The following ELAPOR2 variants were observed in gnomAD, a reference collection of about 807,000 sequenced individuals.
ELAPOR2 encodes the protein endosome-lysosome associated apoptosis and autophagy regulator family member 2.
A neutral mutation model predicts 120.7 loss-of-function variants in ELAPOR2; 89 were observed. The observed-to-expected ratio is 0.74, with a 90% confidence interval of 0.62 to 0.88. ELAPOR2 has a LOEUF of 0.88. ELAPOR2 is among the 40% of genes least tolerant of loss of function. The pLI, the probability that ELAPOR2 is intolerant of heterozygous loss-of-function variation, is 0.00. For synonymous variants in ELAPOR2, 444 were observed against 444.9 expected (o/e 1.00, Z 0.03); for missense variants, 1,134 against 1,251.6 (o/e 0.91, Z 1.42).
At chr7:86,986,929 T>A (rs990198147) in intron 1 of ELAPOR2, among the ~76,000 whole-genome samples, 5 of 150,782 alleles carry the variant, frequency 3.3e-5, no homozygotes, top group Non-Finnish European at 7.4e-5. Flanking sequence ...GGCATCATGC[T>A]ACCTGACTTC....
chr7:86,973,018 C>T (rs1477331523), intron 1 of ELAPOR2, among the ~76,000 whole-genome samples: 3 of 152,126 alleles, frequency 2.0e-5, no homozygotes, highest in Non-Finnish European at 2.9e-5. Context: ...ACATAGTAGG[C>T]AAGGGTCATC....
At chr7:86,935,704 C>T (rs1172865348) in intron 8 of ELAPOR2, among the ~76,000 whole-genome samples, 1 of 151,838 alleles carries the variant, frequency 6.6e-6, no homozygotes, top group African/African-American at 2.4e-5. Context: ...GTTTGACAGC[C>T]ACTGCTCTAC....
chr7:87,025,673 T>C (rs1227837207), intron 1 of ELAPOR2, among the ~76,000 whole-genome samples: 1 of 152,158 alleles, frequency 6.6e-6, no homozygotes, highest in South Asian at 2.1e-4. Flanking sequence ...AATTAGATTA[T>C]GCTTTTCAAG....
intron 1 of ELAPOR2, among the ~76,000 whole-genome samples, chr7:86,993,251 G>GAAAAA (rs1793012385): frequency 6.4e-5 from 6 of 94,158 alleles, no homozygotes; most frequent in African/African-American, 1.5e-4. Context: ...AAAAAAAAAA[G>GAAAAA]AAAAAGAAAA....
At chr7:86,895,451 T>C (rs746128647) in intron 19 of ELAPOR2, among the ~76,000 whole-genome samples, 1 of 152,076 alleles carries the variant, frequency 6.6e-6, no homozygotes, top group Non-Finnish European at 1.5e-5. Flanking sequence ...TATCTAAGCA[T>C]AACAGAAGGA....
At chr7:86,909,682 A>G in intron 16 of ELAPOR2, 130 bp downstream of exon 16, 2 of 762,956 alleles carry the variant, frequency 2.6e-6, no homozygotes, top group African/African-American at 1.8e-5. Context: ...ACCATCTTAC[A>G]AAGTGACAAT....
intron 21 of ELAPOR2, among the ~76,000 whole-genome samples, chr7:86,890,792 A>G (rs1045627580): frequency 2.0e-5 from 3 of 152,078 alleles, no homozygotes; most frequent in African/African-American, 7.2e-5. Context: ...AACCATTAGT[A>G]GAAGGGAAAG....
intron 18 of ELAPOR2, among the ~76,000 whole-genome samples, chr7:86,902,761 C>T (rs1788783059): frequency 6.6e-6 from 1 of 152,036 alleles, no homozygotes; most frequent in South Asian, 2.1e-4. Context: ...GGGTGGCAAC[C>T]TAGGATTCAG....
At chr7:86,909,777 T>G (rs772289205) in intron 16 of ELAPOR2, 35 bp downstream of exon 16, 1 of 1,479,076 alleles carries the variant, frequency 6.8e-7, no homozygotes, top group Admixed American at 2.0e-5. Context: ...TAAGAATAAA[T>G]GTATGCATGC....
At chr7:86,933,334 G>C (rs1421209551) in intron 8 of ELAPOR2, among the ~76,000 whole-genome samples, 1 of 151,880 alleles carries the variant, frequency 6.6e-6, no homozygotes, top group African/African-American at 2.4e-5. Context: ...CTCTTGCCCA[G>C]TGTCACTGTT....
chr7:86,904,082 C>A (rs2115983595), intron 18 of ELAPOR2, among the ~76,000 whole-genome samples: 1 of 152,270 alleles, frequency 6.6e-6, no homozygotes, highest in African/African-American at 2.4e-5. Context: ...CGTGACTATG[C>A]CACACTGCAG....
At chr7:86,889,175 T>C (rs985714412) in intron 21 of ELAPOR2, among the ~76,000 whole-genome samples, 48 of 152,104 alleles carry the variant, frequency 3.2e-4, no homozygotes, top group African/African-American at 1.2e-3. Flanking sequence ...ACATTGTTAT[T>C]CACAATATAA....
rs541524748 is a variant in ELAPOR2, at chr7:86,890,949, C to G, written c.3030+775G>C. Among the ~76,000 whole-genome samples the G allele has an allele frequency of 4.2e-5, 5 of 119,420 alleles. No homozygotes were observed. The South Asian group carries it at 1.3e-3, about 32-fold the overall frequency. 78.3% of individuals were successfully genotyped at this position (119,420 alleles called of 152,430 possible). On this transcript the variant is annotated intron_variant, in intron 21 of 21. Transcript: ENST00000450689. ...TTATAAATCATTTGAAAGTCATCTT[C>G]TTTCTTCTATTTCATTCTTTTTTAA... is the stretch of plus-strand genomic sequence containing the variant.
chr7:86,908,305 T>C (rs764218956), intron 17 of ELAPOR2, 142 bp downstream of exon 17: 6 of 556,318 alleles, frequency 1.1e-5, no homozygotes, highest in East Asian at 3.4e-5. Context: ...TCAGGTGACA[T>C]AGTTGATCTT....
intron 13 of ELAPOR2, 42 bp downstream of exon 13, chr7:86,914,681 T>G: frequency 6.4e-7 from 1 of 1,561,322 alleles, no homozygotes; most frequent in Non-Finnish European, 8.7e-7. Flanking sequence ...GGGGGCATCA[T>G]TAGTGTGTTT....
chr7:86,944,287 A>T (rs1483983540), intron 4 of ELAPOR2, among the ~76,000 whole-genome samples: 2 of 152,014 alleles, frequency 1.3e-5, no homozygotes, highest in African/African-American at 4.8e-5. Context: ...GTAACAGCTT[A>T]TTTTGTTAGA....
intron 1 of ELAPOR2, among the ~76,000 whole-genome samples, chr7:86,983,226 G>C (rs905653433): frequency 7.9e-5 from 12 of 152,224 alleles, no homozygotes; most frequent in Non-Finnish European, 1.5e-4. Context: ...GTACCTGAAA[G>C]TGACGGGCAG....
At chr7:87,022,609 GGGTC>G in intron 1 of ELAPOR2, among the ~76,000 whole-genome samples, 1 of 152,102 alleles carries the variant, frequency 6.6e-6, no homozygotes, top group South Asian at 2.1e-4. Flanking sequence ...TGGGATGACT[GGGTC>G]AAATGGTATT....
intron 1 of ELAPOR2, among the ~76,000 whole-genome samples, chr7:86,988,454 T>C (rs1562957758): frequency 6.6e-6 from 1 of 152,194 alleles, no homozygotes; most frequent in East Asian, 1.9e-4. Context: ...GTATTAGGTA[T>C]TATAAGCAGC....
Sources: gnomAD v4.1 joint callset for allele counts (sites outside exome capture counted in the v4.1 genomes callset) on GRCh38, gnomAD v4.1.1 for gene constraint, MANE v1.5 for transcripts, NCBI Gene and HGNC (gene_info 2026-07-23, HGNC 2026-07-21) for gene names.